The following CNTN3 variants were observed in gnomAD, a reference collection of about 807,000 sequenced individuals.
The protein encoded by CNTN3 is contactin 3.
CNTN3 carries 60 observed loss-of-function variants against 119.1 expected under a neutral mutation model. The observed-to-expected ratio is 0.50, with a 90% confidence interval of 0.41 to 0.62. The LOEUF (loss-of-function observed/expected upper bound fraction) is 0.62. CNTN3 is among the 20% of genes least tolerant of loss of function. The pLI is 0.00. For missense variants in CNTN3, 1,101 were observed against 1,242.4 expected (o/e 0.89, Z 1.71); for synonymous variants, 450 against 438.7 (o/e 1.03, Z -0.32).
chr3:74,609,126 T>C (rs887357946), intron 1 of CNTN3, among the ~76,000 whole-genome samples: 1 of 152,168 alleles, frequency 6.6e-6, no homozygotes, highest in Admixed American at 6.5e-5. Flanking sequence ...CAGGGCCATG[T>C]TGAGTTTTCA....
chr3:74,558,677 T>G (rs946350942), intron 1 of CNTN3, among the ~76,000 whole-genome samples: 2 of 152,032 alleles, frequency 1.3e-5, no homozygotes, highest in Non-Finnish European at 2.9e-5. Flanking sequence ...ATCTGTAACA[T>G]GGAATTAATA....
chr3:74,461,738 G>A (rs1406045812), intron 4 of CNTN3, among the ~76,000 whole-genome samples: 1 of 152,060 alleles, frequency 6.6e-6, no homozygotes, highest in Non-Finnish European at 1.5e-5. Flanking sequence ...ACAAAAAATT[G>A]AGGAACTGGA....
chr3:74,352,736 T>C (rs1052627706), intron 11 of CNTN3, among the ~76,000 whole-genome samples: 2 of 152,120 alleles, frequency 1.3e-5, no homozygotes, highest in Non-Finnish European at 2.9e-5. Context: ...TCAATCTGGT[T>C]TTTAAAAGTG....
intron 15 of CNTN3, 46 bp from the exon 16 acceptor site, chr3:74,301,593 T>C (rs1262429755): frequency 6.2e-7 from 1 of 1,612,144 alleles, no homozygotes; most frequent in Admixed American, 1.7e-5. Context: ...GCTTTAGCAT[T>C]GACTTGAAAT....
intron 4 of CNTN3, among the ~76,000 whole-genome samples, chr3:74,450,750 A>G (rs548001121): frequency 6.9e-6 from 1 of 144,562 alleles, no homozygotes; most frequent in South Asian, 2.2e-4. Flanking sequence ...CCTATGAGTG[A>G]GAATATGCAG....
At chr3:74,574,865 A>T (rs1249963568) in intron 1 of CNTN3, among the ~76,000 whole-genome samples, 1 of 152,148 alleles carries the variant, frequency 6.6e-6, no homozygotes, top group East Asian at 1.9e-4. Context: ...ATGGGATGTT[A>T]GAGAGAGGAC....
intron 5 of CNTN3, among the ~76,000 whole-genome samples, chr3:74,374,900 A>G (rs1226358260): frequency 1.3e-5 from 2 of 152,182 alleles, no homozygotes; most frequent in South Asian, 2.1e-4. Flanking sequence ...ATTACACTGG[A>G]CTTACATTCT....
intron 1 of CNTN3, among the ~76,000 whole-genome samples, 97 bp downstream of exon 1, chr3:74,614,294 G>A (rs1232470419): frequency 6.6e-6 from 1 of 152,112 alleles, no homozygotes; most frequent in Non-Finnish European, 1.5e-5. Context: ...AAACTTCGGG[G>A]CTGAGGAGCC....
At chr3:74,532,228 A>C (rs1703703072) in intron 1 of CNTN3, among the ~76,000 whole-genome samples, 1 of 151,774 alleles carries the variant, frequency 6.6e-6, no homozygotes, top group Non-Finnish European at 1.5e-5. Context: ...AATAAGTGAG[A>C]ATGAGAGAGA....
At chr3:74,519,894 T>G (rs1703513782) in intron 2 of CNTN3, among the ~76,000 whole-genome samples, 1 of 151,698 alleles carries the variant, frequency 6.6e-6, no homozygotes, top group Non-Finnish European at 1.5e-5. Context: ...GTTAAAGATT[T>G]TAATCTGTAA....
intron 2 of CNTN3, among the ~76,000 whole-genome samples, chr3:74,514,339 C>A (rs893778095): frequency 5.3e-5 from 8 of 152,084 alleles, no homozygotes; most frequent in African/African-American, 1.9e-4. Flanking sequence ...CTAACAATCT[C>A]TCCATTTCTA....
intron 1 of CNTN3, among the ~76,000 whole-genome samples, chr3:74,587,461 T>C (rs1704614543): frequency 1.3e-5 from 2 of 152,046 alleles, no homozygotes; most frequent in Admixed American, 1.3e-4. Context: ...CACATCAAAA[T>C]TGTGATTCCA....
In CNTN3 at chr3:74,361,877, G is replaced by C. The variant is rs1220689156; in HGVS notation, c.1364+13C>G. On this transcript the variant is annotated intron_variant, in intron 11 of 22. Coordinates refer to ENST00000263665, the MANE Select transcript of CNTN3 (RefSeq NM_020872.3). The stretch of plus-strand genomic sequence containing the variant: ...AGGAAAGTAAATGACCACTTTTCTG[G>C]ACATCAAAATACCTTTCATGCTCCT... The C allele has an allele frequency of 8.2e-6, 13 of 1,593,926 alleles. No individual in the cohort carries two copies. Among genetic ancestry groups the C allele is most frequent in the South Asian group, 2.3e-5 (2 of 88,302 alleles).
At chr3:74,432,017 C>A (rs1480303822) in intron 4 of CNTN3, among the ~76,000 whole-genome samples, 5 of 152,118 alleles carry the variant, frequency 3.3e-5, no homozygotes, top group Non-Finnish European at 5.9e-5. Flanking sequence ...GGAACACAGA[C>A]ACAGGCAATG....
chr3:74,435,197 C>T (rs1701846618), intron 4 of CNTN3, among the ~76,000 whole-genome samples: 2 of 152,140 alleles, frequency 1.3e-5, no homozygotes, highest in Admixed American at 6.6e-5. Context: ...ATTTTTGAAA[C>T]AGGGTCTTGC....
At chr3:74,276,993 A>C (rs1701893019) in intron 20 of CNTN3, among the ~76,000 whole-genome samples, 1 of 152,078 alleles carries the variant, frequency 6.6e-6, no homozygotes, top group South Asian at 2.1e-4. Flanking sequence ...CATTCAAGAC[A>C]ACTAGGAATA....
At chr3:74,408,353 G>A (rs918927805) in intron 5 of CNTN3, among the ~76,000 whole-genome samples, 1 of 152,172 alleles carries the variant, frequency 6.6e-6, no homozygotes, top group Admixed American at 6.6e-5. Context: ...TTTGCATTGA[G>A]TAAGTCTTAT....
chr3:74,543,254 G>C (rs905522419), intron 1 of CNTN3, among the ~76,000 whole-genome samples: 2 of 152,168 alleles, frequency 1.3e-5, no homozygotes, highest in African/African-American at 4.8e-5. Context: ...TATTTAAGAA[G>C]ATGATGCGAC....
At chr3:74,274,227 G>T (rs1701837254) in intron 20 of CNTN3, among the ~76,000 whole-genome samples, 1 of 152,056 alleles carries the variant, frequency 6.6e-6, no homozygotes, top group South Asian at 2.1e-4. Flanking sequence ...CACCCTGGTA[G>T]CTGAACACAA....
Sources: allele counts gnomAD v4.1 joint callset (sites outside exome capture counted in the v4.1 genomes callset), GRCh38; gene constraint gnomAD v4.1.1; transcripts MANE v1.5; gene names NCBI Gene and HGNC (gene_info 2026-07-23, HGNC 2026-07-21).